Variants in CPQ observed in about 807,000 individuals in gnomAD.
CPQ encodes the protein carboxypeptidase Q.
CPQ carries 37 observed loss-of-function variants against 45.7 expected under a neutral mutation model. The observed-to-expected ratio is 0.81, with a 90% CI of 0.62 to 1.07. The LOEUF (loss-of-function observed/expected upper bound fraction) is 1.07. Ranked by LOEUF, CPQ falls within the 50% of genes least tolerant of loss-of-function variation. CPQ has a pLI of 0.00. For missense variants in CPQ, 537 were observed against 572.9 expected (o/e 0.94, Z 0.64); for synonymous variants, 186 against 205.8 (o/e 0.90, Z 0.82).
At position 96,792,319 on chromosome 8, in the gene CPQ, T is replaced by C. The variant is rs145806342; in HGVS notation, c.433+6989T>C. On this transcript the variant is annotated intron_variant, in intron 2 of 7. Coordinates refer to ENST00000220763, the MANE Select transcript of CPQ (RefSeq NM_016134.4). ...AAAAGAATGAGAATCAACAGTCACA[T>C]CTGGGACAGGCTGACATATGTTCAA... is the stretch of plus-strand genomic sequence containing the variant. Among the ~76,000 whole-genome samples the C allele has an allele frequency of 3.1e-3, 473 of 152,308 alleles. 1 individual carries two copies. Among genetic ancestry groups the C allele is most frequent in the African/African-American group, 0.01 (423 of 41,584 alleles).
At chr8:97,104,125 C>T (rs1811362273) in intron 7 of CPQ, among the ~76,000 whole-genome samples, 1 of 152,168 alleles carries the variant, frequency 6.6e-6, no homozygotes. Context: ...ACATAATAAT[C>T]GCTCAACAAG....
intron 1 of CPQ, among the ~76,000 whole-genome samples, chr8:96,760,215 A>T (rs1246257797): frequency 6.6e-6 from 1 of 152,172 alleles, no homozygotes. Flanking sequence ...CAGAGGTAAA[A>T]TTGGGAGCTG....
chr8:96,850,197 G>A lies in CPQ; in HGVS notation c.641+15017G>A, dbSNP rs989869081. Among the ~76,000 whole-genome samples, 5 of 152,238 alleles carry A rather than the reference G, an allele frequency of 3.3e-5. No homozygotes were observed. In the East Asian group the frequency reaches 7.7e-4, roughly 24 times the overall value. On this transcript the variant is annotated intron_variant, in intron 3 of 7. Transcript: ENST00000220763. ...GGCTTTTAGCAGAGTGAACTGTTTC[G>A]TGGACACTGTCACAGGAAGTGGAAA...
At chr8:96,697,250 A>C (rs139618497) in intron 1 of CPQ, among the ~76,000 whole-genome samples, 40 of 152,328 alleles carry the variant, frequency 2.6e-4, no homozygotes, top group African/African-American at 9.1e-4. Flanking sequence ...ACATCATATA[A>C]ACAGATTGAA....
intron 1 of CPQ, among the ~76,000 whole-genome samples, chr8:96,781,546 G>C (rs1308445755): frequency 2.6e-5 from 4 of 152,084 alleles, no homozygotes; most frequent in Non-Finnish European, 5.9e-5. Context: ...CCATTACAAA[G>C]GCAATTAAAT....
chr8:96,951,143 T>C (rs999499411), intron 4 of CPQ, among the ~76,000 whole-genome samples: 44 of 152,120 alleles, frequency 2.9e-4, no homozygotes, highest in Non-Finnish European at 2.9e-5. Flanking sequence ...CTAAAATTTG[T>C]CTGTAATGGC....
At chr8:96,907,476 GC>G (rs1812594054) in intron 4 of CPQ, among the ~76,000 whole-genome samples, 1 of 152,152 alleles carries the variant, frequency 6.6e-6, no homozygotes, top group Admixed American at 6.5e-5. Flanking sequence ...TATCAAAATA[GC>G]CATACCCAAC....
chr8:96,908,898 C>G (rs73696290), intron 4 of CPQ, among the ~76,000 whole-genome samples: 5,632 of 152,200 alleles, frequency 0.037, 360 homozygotes, highest in African/African-American at 0.13. Context: ...GAATTTTTCC[C>G]TCTACCCTCA....
In CPQ at chr8:96,792,482, C is replaced by T. The variant is rs113181000; in HGVS notation, c.433+7152C>T. On this transcript the variant is annotated intron_variant, in intron 2 of 7. Transcript: ENST00000220763. ...CCTCATTGGAGACTGACATCTCTAC[C>T]GAAATACAGGGCTTTCTTAAAATTT... is the stretch of plus-strand genomic sequence containing the variant. Among the ~76,000 whole-genome samples the T allele has an allele frequency of 2.2e-3, 334 of 152,206 alleles. 2 individuals are homozygous for T. The highest frequency in any genetic ancestry group is 6.9e-3 in the African/African-American group (285 of 41,520).
intron 2 of CPQ, among the ~76,000 whole-genome samples, chr8:96,817,681 C>G (rs1811247937): frequency 6.6e-6 from 1 of 151,776 alleles, no homozygotes. Flanking sequence ...TGGTGCAATC[C>G]TGGCTCACTG....
At chr8:96,788,672 C>A (rs1810808575) in intron 2 of CPQ, among the ~76,000 whole-genome samples, 1 of 150,594 alleles carries the variant, frequency 6.6e-6, no homozygotes, top group Non-Finnish European at 1.5e-5. Flanking sequence ...AGTTTTTCAT[C>A]AAATTTGAGA....
chr8:96,871,011 C>T (rs903901160), intron 3 of CPQ, among the ~76,000 whole-genome samples: 1 of 151,948 alleles, frequency 6.6e-6, no homozygotes. Context: ...CATGGAAATA[C>T]GTTATTTAAG....
intron 4 of CPQ, among the ~76,000 whole-genome samples, chr8:96,921,644 C>T (rs1812809368): frequency 6.6e-6 from 1 of 152,144 alleles, no homozygotes; most frequent in African/African-American, 2.4e-5. Context: ...CTTCTTGAGC[C>T]AGGGAGGTCT....
chr8:96,674,607 GA>G, intron 1 of CPQ, among the ~76,000 whole-genome samples: 1 of 152,210 alleles, frequency 6.6e-6, no homozygotes, highest in Non-Finnish European at 1.5e-5. Context: ...TTTTCAGGTT[GA>G]AACTTGGCAT....
At chr8:96,666,401 G>A (rs1310994788) in intron 1 of CPQ, among the ~76,000 whole-genome samples, 1 of 152,164 alleles carries the variant, frequency 6.6e-6, no homozygotes, top group Admixed American at 6.5e-5. Flanking sequence ...GAAAATAAGA[G>A]AATATAGTTA....
At chr8:96,842,522 C>A (rs1419568042) in intron 3 of CPQ, among the ~76,000 whole-genome samples, 2 of 148,420 alleles carry the variant, frequency 1.3e-5, no homozygotes, top group African/African-American at 5.0e-5. Flanking sequence ...GCAGGTGGGG[C>A]CACTGTGCTC....
At chr8:97,126,100 A>G (rs1811842238) in intron 7 of CPQ, among the ~76,000 whole-genome samples, 1 of 152,166 alleles carries the variant, frequency 6.6e-6, no homozygotes, top group East Asian at 1.9e-4. Flanking sequence ...TTTTTCAAGG[A>G]AAAAATGAGG....
chr8:96,785,281 T>A lies in CPQ; in HGVS notation c.384T>A (p.His128Gln), dbSNP rs1251449700. ...ESAVMLEPRI[H>Q]KIAILGLGSS... ...CTGTGATGCTGGAGCCAAGAATTCATAAGATAGCCATCCTGGGTCTTGGCA... is the reference window on the plus strand; with the variant it reads ...CTGTGATGCTGGAGCCAAGAATTCAAAAGATAGCCATCCTGGGTCTTGGCA... Residue 128 changes from histidine to glutamine, a missense_variant, in exon 2 of 8, where the codon CAT (histidine) becomes CAA (glutamine). By Grantham distance (24) the His-to-Gln change is conservative. Coordinates refer to ENST00000220763, the MANE Select transcript of CPQ (RefSeq NM_016134.4). 3.1e-6 allele frequency: 5 copies of A among 1,613,004 alleles called. No individual in the cohort carries two copies. The highest frequency in any genetic ancestry group is 3.4e-6 in the Non-Finnish European group (4 of 1,179,278).
intron 1 of CPQ, among the ~76,000 whole-genome samples, chr8:96,648,054 C>T (rs1299771856): frequency 2.6e-5 from 4 of 152,162 alleles, no homozygotes; most frequent in Admixed American, 1.3e-4. Flanking sequence ...GACAAGAATG[C>T]AGGATGGGTT....
Sources: allele counts gnomAD v4.1 joint callset (sites outside exome capture counted in the v4.1 genomes callset), GRCh38; gene constraint gnomAD v4.1.1; transcripts MANE v1.5; gene names NCBI Gene and HGNC (gene_info 2026-07-23, HGNC 2026-07-21).